MMP26: variants seen among roughly 807,000 people sequenced by gnomAD.
MMP26 encodes the protein matrix metallopeptidase 26.
MMP26 carries 33 observed loss-of-function variants against 31.0 expected under a neutral mutation model. That is an observed-to-expected ratio of 1.06 (90% CI 0.81 to 1.42). MMP26 has a LOEUF of 1.42. Among genes scored for constraint, MMP26 ranks in the 40% most tolerant of loss-of-function variants. The pLI is 0.00. For synonymous variants in MMP26, 122 were observed against 114.9 expected (o/e 1.06, Z -0.40); for missense variants, 347 against 316.1 (o/e 1.10, Z -0.74).
Position 4,861,388 on chromosome 11 carries a change from T to C in MMP26, c.-145+94047T>C, listed in dbSNP as rs1413668715. On this transcript the variant is annotated intron_variant, in intron 2 of 7. Transcript: ENST00000380390. ...CGATAGGATAGGTACTCTATATATA[T>C]ACATACGCATAAATGTATTAGGTTG... Among the ~76,000 whole-genome samples the C allele has an allele frequency of 4.6e-5, 7 of 150,980 alleles. No homozygotes were observed. The South Asian group carries it at 8.3e-4, about 18-fold the overall frequency.
chr11:4,796,775 G>T (rs953213810), intron 2 of MMP26, among the ~76,000 whole-genome samples: 1 of 152,122 alleles, frequency 6.6e-6, no homozygotes, highest in South Asian at 2.1e-4. Flanking sequence ...GTCTCCTGCT[G>T]CTGCCGCAGT....
chr11:4,766,456 G>A (rs1421570134), intron 1 of MMP26, among the ~76,000 whole-genome samples: 4 of 151,920 alleles, frequency 2.6e-5, no homozygotes, highest in Admixed American at 6.6e-5. Context: ...GGATACAGAT[G>A]TAACATCACA....
At chr11:4,744,720 C>T (rs536711799) in intron 1 of MMP26, among the ~76,000 whole-genome samples, 1 of 152,248 alleles carries the variant, frequency 6.6e-6, no homozygotes, top group East Asian at 1.9e-4. Context: ...TACTTATTCT[C>T]CCGTGTGGTT....
chr11:4,819,455 A>C (rs1849463705), intron 2 of MMP26, among the ~76,000 whole-genome samples: 1 of 152,034 alleles, frequency 6.6e-6, no homozygotes, highest in African/African-American at 2.4e-5. Flanking sequence ...TAATGGGAGA[A>C]TATTAAGAGA....
At chr11:4,944,009 G>A (rs2570581) in intron 2 of MMP26, 59,310 of 419,228 alleles carry the variant, frequency 0.14, 4,665 homozygotes, top group South Asian at 0.17. Flanking sequence ...CTGCCTATCC[G>A]CACACTGGGA....
Position 4,944,033 on chromosome 11 carries a change from T to C in MMP26, c.-144-44035T>C, listed in dbSNP as rs185301162. The C allele has an allele frequency of 1.9e-5, 8 of 431,144 alleles. No homozygotes were observed. The Admixed American group carries it at 2.2e-4, about 12-fold the overall frequency. The allele number at this position is 431,144 out of a possible 1,614,324, so 26.7% of individuals were successfully genotyped here. ...CGCACACTGGGAGAATATGAGCTTC[T>C]ATTTCTTTCAATTAATAAAATATGT... On this transcript the variant is annotated intron_variant, in intron 2 of 7. Coordinates refer to ENST00000380390, the MANE Select transcript of MMP26 (RefSeq NM_021801.5).
At chr11:4,918,449 G>A (rs1452991766) in intron 2 of MMP26, among the ~76,000 whole-genome samples, 2 of 152,104 alleles carry the variant, frequency 1.3e-5, no homozygotes, top group African/African-American at 4.8e-5. Flanking sequence ...GAATCAGAGA[G>A]AATAATGAGG....
intron 2 of MMP26, chr11:4,889,600 A>T (rs549157951): frequency 1.3e-5 from 2 of 152,356 alleles, no homozygotes; most frequent in Admixed American, 1.3e-4. Flanking sequence ...TTGTAGACCC[A>T]GTTTTCCTAA....
chr11:4,914,341 G>C (rs1171502680), intron 2 of MMP26: 4 of 166,782 alleles, frequency 2.4e-5, no homozygotes, highest in African/African-American at 9.6e-5. Flanking sequence ...AGGTGGAAGA[G>C]AGAGAGAGAG....
At chr11:4,767,068 A>C (rs1848641905) in intron 1 of MMP26, among the ~76,000 whole-genome samples, 1 of 152,190 alleles carries the variant, frequency 6.6e-6, no homozygotes, top group Admixed American at 6.6e-5. Flanking sequence ...TTGTTTTATC[A>C]AAAGGTGTTT....
chr11:4,732,541 C>CAAA (rs56079183), intron 1 of MMP26, among the ~76,000 whole-genome samples: 3 of 94,652 alleles, frequency 3.2e-5, no homozygotes, highest in African/African-American at 7.5e-5. Flanking sequence ...AGACTCGTCT[C>CAAA]AAAAAAAAAA....
At chr11:4,875,369 C>T (rs981971548) in intron 2 of MMP26, 2 of 152,104 alleles carry the variant, frequency 1.3e-5, no homozygotes, top group South Asian at 4.1e-4. Flanking sequence ...GAAGTTACTA[C>T]AAACTTAGTG....
At chr11:4,723,966 GT>G in intron 1 of MMP26, 1 of 757,252 alleles carries the variant, frequency 1.3e-6, no homozygotes, top group Non-Finnish European at 2.4e-6. Context: ...GCAGGTTCTG[GT>G]TGACTGTGTC....
intron 2 of MMP26, among the ~76,000 whole-genome samples, chr11:4,790,041 T>C (rs1849002519): frequency 6.6e-6 from 1 of 152,070 alleles, no homozygotes; most frequent in African/African-American, 2.4e-5. Flanking sequence ...AATACACAAC[T>C]ATATTTAAGA....
chr11:4,908,256 G>A lies in MMP26; in HGVS notation c.-144-79812G>A, dbSNP rs148854854. ...CCCATTGTGTACTGTGTAAAGACTC[G>A]ACAAATCTGGGAGAAGATCTTGGGG... On this transcript the variant is annotated intron_variant, in intron 2 of 7. Coordinates refer to ENST00000380390, the MANE Select transcript of MMP26 (RefSeq NM_021801.5). 58 of 1,613,966 alleles carry A rather than the reference G, an allele frequency of 3.6e-5. No homozygotes were observed. Among genetic ancestry groups the A allele is most frequent in the South Asian group, 6.6e-5 (6 of 91,066 alleles).
chr11:4,716,678 T>TTTTTG (rs1847935431), intron 1 of MMP26, among the ~76,000 whole-genome samples: 2 of 143,800 alleles, frequency 1.4e-5, no homozygotes, highest in African/African-American at 2.6e-5. Context: ...TTTTTTTTTT[T>TTTTTG]GAGATGGAGT....
chr11:4,861,206 A>G (rs1054318751), intron 2 of MMP26, among the ~76,000 whole-genome samples: 1 of 150,236 alleles, frequency 6.7e-6, no homozygotes, highest in East Asian at 1.9e-4. Context: ...ATAGATACAT[A>G]CAGTTTCCAA....
At chr11:4,816,957 G>A (rs942904710) in intron 2 of MMP26, among the ~76,000 whole-genome samples, 6 of 150,514 alleles carry the variant, frequency 4.0e-5, no homozygotes, top group Non-Finnish European at 5.9e-5. Flanking sequence ...TGATCCACCC[G>A]CCTCGGCCTC....
At chr11:4,715,900 C>G (rs1463771981) in intron 1 of MMP26, among the ~76,000 whole-genome samples, 4 of 152,150 alleles carry the variant, frequency 2.6e-5, no homozygotes, top group African/African-American at 4.8e-5. Context: ...TAACTAAGGT[C>G]CCTGATTACT....
Sources: allele counts gnomAD v4.1 joint callset (sites outside exome capture counted in the v4.1 genomes callset), GRCh38; gene constraint gnomAD v4.1.1; transcripts MANE v1.5; gene names NCBI Gene and HGNC (gene_info 2026-07-23, HGNC 2026-07-21).